The following TRAK1 variants were observed in gnomAD, a reference collection of about 807,000 sequenced individuals.
TRAK1 encodes trafficking kinesin protein 1, also known as trafficking kinesin-binding protein 1.
Under a neutral mutation model 92.1 loss-of-function variants are expected in TRAK1, and 33 were observed. That is an observed-to-expected ratio of 0.36 (90% confidence interval 0.27 to 0.48). TRAK1 has a LOEUF of 0.48. Ranked by LOEUF, TRAK1 falls within the 20% of genes least tolerant of loss-of-function variation. The probability of loss-of-function intolerance (pLI) is 0.99; values close to 1 mark genes in which losing one functional copy is unlikely to be tolerated. For synonymous variants in TRAK1, 521 were observed against 517.3 expected (o/e 1.01, Z -0.10); for missense variants, 1,123 against 1,257.9 (o/e 0.89, Z 1.62).
At chr3:42,018,603 CTG>C (rs1374508362) in intron 1 of TRAK1, among the ~76,000 whole-genome samples, 6 of 152,150 alleles carry the variant, frequency 3.9e-5, no homozygotes, top group African/African-American at 1.4e-4. Flanking sequence ...GAGAAAATAA[CTG>C]TGAACATGTG....
At chr3:42,211,755 C>T (rs1000343314) in intron 14 of TRAK1, 2 of 985,312 alleles carry the variant, frequency 2.0e-6, no homozygotes, top group African/African-American at 3.5e-5. Context: ...TGAGGACTGA[C>T]ATCCTGGCCA....
upstream of TRAK1, among the ~76,000 whole-genome samples, chr3:42,087,873 AT>A (rs773931549): frequency 7.2e-4 from 109 of 152,310 alleles, 1 homozygote; most frequent in Admixed American, 1.6e-3. Context: ...ACAGACATGG[AT>A]TTTTACAGAT....
At chr3:42,016,891 G>A (rs1387903113) in intron 1 of TRAK1, among the ~76,000 whole-genome samples, 3 of 152,132 alleles carry the variant, frequency 2.0e-5, no homozygotes, top group East Asian at 1.9e-4. Context: ...CTGTATGGTC[G>A]GGAAGTTTGA....
At chr3:42,171,535 G>A (rs1702557060) in intron 2 of TRAK1, among the ~76,000 whole-genome samples, 6 of 152,062 alleles carry the variant, frequency 3.9e-5, no homozygotes, top group Non-Finnish European at 5.9e-5. Context: ...CCCACCCCTC[G>A]GGTTAGGCCT....
chr3:42,085,091 T>C (rs116693953), upstream of TRAK1, among the ~76,000 whole-genome samples: 717 of 152,266 alleles, frequency 4.7e-3, 4 homozygotes, highest in African/African-American at 0.016. Context: ...CATTGGAGCA[T>C]TTCAGATTTC....
chr3:42,181,861 C>T (rs1460546633), intron 3 of TRAK1, among the ~76,000 whole-genome samples: 2 of 152,080 alleles, frequency 1.3e-5, no homozygotes, highest in African/African-American at 4.8e-5. Context: ...TCTGTGCAGT[C>T]TCCCTCACAC....
chr3:42,136,597 T>C (rs1448504866), intron 2 of TRAK1, among the ~76,000 whole-genome samples: 1 of 151,928 alleles, frequency 6.6e-6, no homozygotes, highest in East Asian at 1.9e-4. Flanking sequence ...CATTCCAGCC[T>C]GGGCAATTGA....
chr3:42,117,382 G>A (rs773974410), intron 1 of TRAK1, among the ~76,000 whole-genome samples: 2 of 152,082 alleles, frequency 1.3e-5, no homozygotes, highest in African/African-American at 2.4e-5. Flanking sequence ...GGCAGTTGTG[G>A]TGCTGGTTTC....
At chr3:42,215,128 T>C (rs1269389653) in intron 14 of TRAK1, among the ~76,000 whole-genome samples, 2 of 152,190 alleles carry the variant, frequency 1.3e-5, no homozygotes, top group Non-Finnish European at 2.9e-5. Context: ...TAGAACTTTT[T>C]TTCCCCCTGA....
At chr3:42,217,890 T>G in intron 14 of TRAK1, 1 of 985,388 alleles carries the variant, frequency 1.0e-6, no homozygotes, top group Non-Finnish European at 1.2e-6. Flanking sequence ...TCTTACTTAT[T>G]GGAGTTCCTG....
chr3:42,166,196 CA>C (rs1701843104), intron 2 of TRAK1, among the ~76,000 whole-genome samples: 1 of 152,158 alleles, frequency 6.6e-6, no homozygotes. Flanking sequence ...TTAGACAGAT[CA>C]GGCCCTTCCA....
Position 42,185,758 on chromosome 3 carries a change from AC to A in TRAK1, c.480+963del, listed in dbSNP as rs1183354353. 3.5e-5 allele frequency among the ~76,000 whole-genome samples: 5 copies of A among 141,708 alleles called. No homozygotes were observed. The East Asian group carries it at 8.2e-4, about 23-fold the overall frequency. 93.0% of individuals were successfully genotyped at this position (141,708 alleles called of 152,430 possible). ...GCGATCCCAGCTCACTGCAACTTCCACCCCCCGAGTTCAAGCTATTGTCCTG... is the reference window on the plus strand; with the variant it reads ...GCGATCCCAGCTCACTGCAACTTCCACCCCCGAGTTCAAGCTATTGTCCTG... On this transcript the variant is annotated intron_variant, in intron 4 of 15. Coordinates refer to ENST00000327628, the MANE Select transcript of TRAK1 (RefSeq NM_001042646.3).
At chr3:42,109,257 GTGTT>G (rs2149060164) in intron 1 of TRAK1, among the ~76,000 whole-genome samples, 1 of 152,258 alleles carries the variant, frequency 6.6e-6, no homozygotes, top group South Asian at 2.1e-4. Flanking sequence ...TATTACTGAT[GTGTT>G]TGTTATCATT....
chr3:42,043,886 CAG>C (rs1360017965), intron 1 of TRAK1, among the ~76,000 whole-genome samples: 2 of 151,186 alleles, frequency 1.3e-5, no homozygotes, highest in African/African-American at 4.9e-5. Flanking sequence ...TTTCAGTTGG[CAG>C]GAAGCCACCT....
intron 1 of TRAK1, among the ~76,000 whole-genome samples, chr3:42,120,688 C>T (rs1285113273): frequency 6.6e-6 from 1 of 152,192 alleles, no homozygotes; most frequent in African/African-American, 2.4e-5. Flanking sequence ...GCTGGGTTTA[C>T]AGGCGCATGC....
chr3:42,205,316 C>A (rs1708200241), intron 13 of TRAK1, among the ~76,000 whole-genome samples: 1 of 152,040 alleles, frequency 6.6e-6, no homozygotes, highest in South Asian at 2.1e-4. Flanking sequence ...CCCATAATCA[C>A]CAGCAGCCCA....
At chr3:42,072,483 G>A (rs760473296) in intron 1 of TRAK1, among the ~76,000 whole-genome samples, 4 of 151,996 alleles carry the variant, frequency 2.6e-5, no homozygotes, top group African/African-American at 4.8e-5. Flanking sequence ...GCTATTTATG[G>A]CATTTTATAA....
At chr3:42,211,532 A>AT in intron 14 of TRAK1, 1 of 985,482 alleles carries the variant, frequency 1.0e-6, no homozygotes, top group Non-Finnish European at 1.2e-6. Flanking sequence ...GTGCAGAAAC[A>AT]TGATGCCTGG....
intron 1 of TRAK1, among the ~76,000 whole-genome samples, chr3:42,081,142 G>C (rs1057227354): frequency 6.6e-6 from 1 of 152,164 alleles, no homozygotes; most frequent in Non-Finnish European, 1.5e-5. Flanking sequence ...CTCCCAAAGT[G>C]CTAGGATTAT....
Sources: allele counts gnomAD v4.1 joint callset (sites outside exome capture counted in the v4.1 genomes callset), GRCh38; gene constraint gnomAD v4.1.1; transcripts MANE v1.5; gene names NCBI Gene and HGNC (gene_info 2026-07-23, HGNC 2026-07-21).